Variants in COQ6 observed in about 807,000 individuals in gnomAD.
COQ6 encodes the protein coenzyme Q6, monooxygenase.
In COQ6, 45 loss-of-function variants were observed where a neutral mutation model predicts 55.5. The observed-to-expected ratio is 0.81, with a 90% CI of 0.64 to 1.04. The LOEUF is 1.04. Ranked by LOEUF, COQ6 falls within the 50% of genes least tolerant of loss-of-function variation. COQ6 has a pLI of 0.00. For missense variants in COQ6, 550 were observed against 601.3 expected (o/e 0.91, Z 0.89); for synonymous variants, 206 against 230.5 (o/e 0.89, Z 0.96).
chr14:73,960,545 A>G (rs2056667804), intron 8 of COQ6: 15 of 1,006,040 alleles, frequency 1.5e-5, no homozygotes, highest in Non-Finnish European at 1.7e-5. Context: ...ACTCTGGGCC[A>G]TTTAGTATAT....
At chr14:73,958,922 C>A in intron 5 of COQ6, 49 bp from the exon 6 acceptor site, 1 of 1,609,762 alleles carries the variant, frequency 6.2e-7, no homozygotes, top group Non-Finnish European at 8.5e-7. Flanking sequence ...ACTTCTGAAG[C>A]AGTTTATGAA....
In COQ6 at chr14:73,958,259, C is replaced by T. The variant is rs140313598; in HGVS notation, c.594C>T (p.Thr198=). The change falls in exon 5 of 12, where the codon ACC becomes ACT. Residue 198 remains threonine (T), a synonymous_variant. Coordinates refer to ENST00000334571, the MANE Select transcript of COQ6 (RefSeq NM_182476.3). ...ATATTACCCTAGGTGATGGCAGCAC[C>T]TTCCAGACCAAATTGTTGGTAGTTG... ...WVHITLGDGS[T]FQTKLLIGAD... 1.7e-5 allele frequency: 28 copies of T among 1,614,106 alleles called. No homozygotes were observed. The highest frequency in any genetic ancestry group is 6.7e-5 in the Admixed American group (4 of 60,004).
chr14:73,953,415 A>G lies in COQ6; in HGVS notation c.164-20A>G. 1 of 1,594,202 alleles carries G rather than the reference A, an allele frequency of 6.3e-7. No homozygotes were observed. Among genetic ancestry groups the G allele is most frequent in the Non-Finnish European group, 8.6e-7 (1 of 1,162,684 alleles). On this transcript the variant is annotated intron_variant, in intron 1 of 11. Transcript: ENST00000334571. ...AAATTCTTGATTTTCCTAAGATGAT[A>G]TAAATTTTCTTTTTTTAAGGATATG... is the stretch of plus-strand genomic sequence containing the variant.
chr14:73,955,109 C>T (rs1333690945), intron 2 of COQ6, among the ~76,000 whole-genome samples: 4 of 151,430 alleles, frequency 2.6e-5, no homozygotes, highest in East Asian at 2.0e-4. Context: ...CCCGCCACCA[C>T]GCCCAGCTGA....
In COQ6 at chr14:73,963,241, A is replaced by G; in HGVS notation, c.*242A>G. ...AGGAAGACTTACAATTTGGTTGAAA[A>G]GAGCTTTTTATTACTAAAAAACCCA... On this transcript the variant is annotated 3_prime_UTR_variant, in exon 12 of 12. Coordinates refer to ENST00000334571, the MANE Select transcript of COQ6 (RefSeq NM_182476.3). 1 of 573,650 alleles carries G rather than the reference A, an allele frequency of 1.7e-6. No homozygotes were observed. The highest frequency in any genetic ancestry group is 2.5e-5 in the South Asian group (1 of 40,020). The allele number at this position is 573,650 out of a possible 1,614,324, so 35.5% of individuals were successfully genotyped here.
At chr14:73,960,209 A>C (rs2056649905) in intron 8 of COQ6, 1 of 988,096 alleles carries the variant, frequency 1.0e-6, no homozygotes, top group African/African-American at 1.7e-5. Flanking sequence ...GGGGCTTAAG[A>C]GTAAGCTTAG....
intron 8 of COQ6, chr14:73,960,227 ATGTGGGT>A (rs2056651452): frequency 1.0e-6 from 1 of 986,732 alleles, no homozygotes; most frequent in African/African-American, 1.7e-5. Context: ...TAGTAGATAG[ATGTGGGT>A]TCAAAATGTA....
At position 73,961,628 on chromosome 14, in the gene COQ6, G is replaced by T. The variant is rs1455159678; in HGVS notation, c.1210+58G>T. 3 of 1,605,226 alleles carry T rather than the reference G, an allele frequency of 1.9e-6. No homozygotes were observed. The African/African-American group carries it at 4.0e-5, about 21-fold the overall frequency. On this transcript the variant is annotated intron_variant, in intron 10 of 11. Coordinates refer to ENST00000334571, the MANE Select transcript of COQ6 (RefSeq NM_182476.3). ...GAGGTCATATAGTTAGGCAAGATCA[G>T]GGCCCACAGTAGCAAGAGGGAGTGG...
Position 73,953,482 on chromosome 14 carries a change from G to C in COQ6, c.211G>C (p.Gly71Arg). The change falls in exon 2 of 12, where the codon GGT becomes CGT. Residue 71 changes from glycine to arginine, a missense_variant. Transcript: ENST00000334571. ...CAAGAAAATCCTGTTGCTCGAAGCA[G>C]GTCCAAAGAAAGTACTGGAGAAATT... ...HDKKILLLEA[G>R]PKKVLEKLSE... The C allele has an allele frequency of 6.2e-7, 1 of 1,614,060 alleles. No homozygotes were observed. The highest frequency in any genetic ancestry group is 8.5e-7 in the Non-Finnish European group (1 of 1,179,968).
intron 2 of COQ6, among the ~76,000 whole-genome samples, chr14:73,954,814 A>G (rs2056342180): frequency 7.3e-6 from 1 of 136,386 alleles, no homozygotes; most frequent in African/African-American, 2.7e-5. Flanking sequence ...ACTGCACTCC[A>G]GCCTGGGCTA....
At chr14:73,962,474 A>C (rs1214240770) in intron 11 of COQ6, among the ~76,000 whole-genome samples, 1 of 152,040 alleles carries the variant, frequency 6.6e-6, no homozygotes, top group Non-Finnish European at 1.5e-5. Context: ...CAAGAGGATA[A>C]TTTAAGCCTA....
At chr14:73,956,188 C>T (rs1004715597) in intron 4 of COQ6, 16 of 391,570 alleles carry the variant, frequency 4.1e-5, no homozygotes, top group South Asian at 2.5e-4. Context: ...ATTAGCCAGG[C>T]ATGGTGGCGG....
intron 1 of COQ6, 130 bp from the exon 2 acceptor site, chr14:73,953,305 G>A (rs1409834452): frequency 1.1e-5 from 9 of 834,694 alleles, no homozygotes; most frequent in Non-Finnish European, 1.8e-5. Context: ...ACTCTGCATG[G>A]GTATAGTGTT....
Position 73,950,361 on chromosome 14 carries a change from G to A in COQ6, c.29G>A (p.Gly10Glu). 6.4e-7 allele frequency: 1 copy of A among 1,559,418 alleles called. No individual in the cohort carries two copies. The highest frequency in any genetic ancestry group is 8.7e-7 in the Non-Finnish European group (1 of 1,154,454). The change falls in exon 1 of 12, where the codon GGG (glycine) becomes GAG (glutamate). Residue 10 changes from glycine to glutamate, a missense_variant. Physicochemically the swap from Gly to Glu is moderately conservative, Grantham distance 98. Coordinates refer to ENST00000334571, the MANE Select transcript of COQ6 (RefSeq NM_182476.3). Reference protein sequence around the residue: MAARLVSRCGAVRAAPHSGP... With the variant: MAARLVSRCEAVRAAPHSGP... ...GCGGCCCGGCTTGTCAGCCGATGCG[G>A]GGCTGTGCGTGCAGCTCCCCACAGC...
chr14:73,953,207 G>A (rs1375284494), intron 1 of COQ6, among the ~76,000 whole-genome samples: 3 of 152,100 alleles, frequency 2.0e-5, no homozygotes, highest in Admixed American at 6.6e-5. Flanking sequence ...TTCTTGGCAC[G>A]TGGCATGTAG....
chr14:73,956,304 G>A (rs967595451), intron 4 of COQ6: 11 of 214,026 alleles, frequency 5.1e-5, no homozygotes, highest in Non-Finnish European at 7.7e-5. Context: ...CTCCAGCCTG[G>A]GCGACAGAGC....
intron 11 of COQ6, 177 bp from the exon 12 acceptor site, chr14:73,962,793 G>A: frequency 1.6e-6 from 1 of 628,202 alleles, no homozygotes; most frequent in Non-Finnish European, 2.9e-6. Context: ...CTCCAGCCCA[G>A]TCAACAGAGT....
At position 73,956,705 on chromosome 14, in the gene COQ6, ATTAT is replaced by A. The variant is rs1175692384; in HGVS notation, c.481+780_481+783del. On this transcript the variant is annotated intron_variant, in intron 4 of 11. Transcript: ENST00000334571. ...AATATTTTGCCTGTTTTTAAATTGG[ATTAT>A]TTGTTTTTGAGTTATAGGAGTTCTT... is the stretch of plus-strand genomic sequence containing the variant. The A allele has an allele frequency of 3.9e-5, 6 of 152,138 alleles. 1 individual carries two copies. Among genetic ancestry groups the A allele is most frequent in the East Asian group, 1.9e-4 (1 of 5,188 alleles). 9.4% of individuals were successfully genotyped at this position (152,138 alleles called of 1,614,324 possible).
intron 1 of COQ6, among the ~76,000 whole-genome samples, chr14:73,952,544 A>T (rs10459546): frequency 0.14 from 20,538 of 150,614 alleles, 1,514 homozygotes; most frequent in Admixed American, 0.2. Flanking sequence ...GTTAAAAAAA[A>T]TTTTTTTTTG....
Sources: gnomAD v4.1 joint callset for allele counts (sites outside exome capture counted in the v4.1 genomes callset) on GRCh38, gnomAD v4.1.1 for gene constraint, MANE v1.5 for transcripts, NCBI Gene and HGNC (gene_info 2026-07-23, HGNC 2026-07-21) for gene names.